Variants in NDST3 observed in about 807,000 individuals in gnomAD.
The protein encoded by NDST3 is bifunctional heparan sulfate N-deacetylase/N-sulfotransferase 3.
In NDST3, 58 loss-of-function variants were observed where a neutral mutation model predicts 96.1. The observed-to-expected ratio is 0.60, with a 90% CI of 0.49 to 0.75. The LOEUF is 0.75. Ranked by LOEUF, NDST3 falls within the 30% of genes least tolerant of loss-of-function variation. The pLI is 0.00. For missense variants in NDST3, 788 were observed against 1,034.2 expected, an observed-to-expected ratio of 0.76 and a Z score of 3.27; for synonymous variants, 333 against 359.7, an observed-to-expected ratio of 0.93 and a Z score of 0.84.
intron 8 of NDST3, 56 bp from the exon 9 acceptor site, chr4:118,232,956 T>C: frequency 3.3e-6 from 5 of 1,521,488 alleles, no homozygotes; most frequent in Non-Finnish European, 3.6e-6. Flanking sequence ...AAAGTGTTGA[T>C]CATAGGAAAT....
chr4:118,255,632 G>A lies in NDST3; in HGVS notation c.2542G>A (p.Val848Met), dbSNP rs1441859358. The change falls in exon 14 of 14, where the codon GTG (valine) becomes ATG (methionine). Residue 848 changes from valine (V) to methionine (M), a missense_variant. This residue lies in a region of NDST3 where 64 missense variants were observed against 68.5 expected (regional missense o/e 0.93). Coordinates refer to ENST00000296499, the MANE Select transcript of NDST3 (RefSeq NM_004784.3). ...FLSSYYRDHN[V>M]ELSKLLHKLG... ...GTCAAGCTACTATCGAGATCACAAC[G>A]TGGAACTCTCAAAGCTGCTGCACAA... is the stretch of plus-strand genomic sequence containing the variant. The A allele has an allele frequency of 3.1e-6, 5 of 1,613,666 alleles. No homozygotes were observed. The highest frequency in any genetic ancestry group is 2.2e-5 in the East Asian group (1 of 44,882).
intron 2 of NDST3, among the ~76,000 whole-genome samples, chr4:118,085,512 T>A (rs1728351198): frequency 6.6e-6 from 1 of 152,154 alleles, no homozygotes; most frequent in African/African-American, 2.4e-5. Context: ...GGCAAGCCAA[T>A]CAATGAACAC....
rs139697159 is a variant in NDST3 at position 118,245,359 on chromosome 4, TA to T, written c.2399+3212del. Among the ~76,000 whole-genome samples the T allele has an allele frequency of 5.3e-3, 811 of 152,318 alleles. 13 individuals are homozygous for T. Among genetic ancestry groups the T allele is most frequent in the African/African-American group, 0.019 (782 of 41,560 alleles). ...ACTATGTTATATGAATTTTTAGTAT[TA>T]ATTTACTTTGAAAATGTCAATAAAT... On this transcript the variant is annotated intron_variant, in intron 12 of 13. Coordinates refer to ENST00000296499, the MANE Select transcript of NDST3 (RefSeq NM_004784.3).
chr4:118,073,385 T>C (rs943369490), intron 2 of NDST3, among the ~76,000 whole-genome samples: 2 of 152,240 alleles, frequency 1.3e-5, no homozygotes, highest in Non-Finnish European at 2.9e-5. Flanking sequence ...TTTTTATTAC[T>C]GATTCAATTT....
chr4:118,095,164 G>C (rs918574247), intron 2 of NDST3, among the ~76,000 whole-genome samples: 1 of 151,904 alleles, frequency 6.6e-6, no homozygotes, highest in Non-Finnish European at 1.5e-5. Flanking sequence ...GAGTAAGGAA[G>C]TAAACCACAT....
intron 6 of NDST3, among the ~76,000 whole-genome samples, chr4:118,223,413 A>G (rs2125993878): frequency 6.6e-6 from 1 of 152,216 alleles, no homozygotes; most frequent in East Asian, 1.9e-4. Context: ...TGGTACAGAC[A>G]GCTATTTTAA....
At chr4:118,248,575 C>T (rs1307324897) in intron 12 of NDST3, among the ~76,000 whole-genome samples, 1 of 152,154 alleles carries the variant, frequency 6.6e-6, no homozygotes, top group Non-Finnish European at 1.5e-5. Flanking sequence ...CAAAGTATCC[C>T]CACCTCCAGG....
intron 12 of NDST3, among the ~76,000 whole-genome samples, chr4:118,242,629 T>C (rs586224): frequency 0.78 from 119,362 of 152,114 alleles, 49,527 homozygotes; most frequent in South Asian, 0.92. Flanking sequence ...TTATCGCTCC[T>C]AAACAAACGT....
chr4:118,213,180 T>G (rs1443933406), intron 6 of NDST3, among the ~76,000 whole-genome samples: 1 of 152,188 alleles, frequency 6.6e-6, no homozygotes, highest in Non-Finnish European at 1.5e-5. Context: ...TGATTTGACA[T>G]GAAGAGGACA....
At chr4:118,196,940 T>A (rs927739463) in intron 6 of NDST3, among the ~76,000 whole-genome samples, 3 of 151,230 alleles carry the variant, frequency 2.0e-5, no homozygotes, top group African/African-American at 7.3e-5. Context: ...GTTGTTTATT[T>A]GAAGTTTTTT....
intron 6 of NDST3, among the ~76,000 whole-genome samples, chr4:118,213,176 G>C (rs1187809240): frequency 6.6e-6 from 1 of 152,128 alleles, no homozygotes; most frequent in Non-Finnish European, 1.5e-5. Context: ...GCAGTGATTT[G>C]ACATGAAGAG....
intron 12 of NDST3, among the ~76,000 whole-genome samples, chr4:118,253,282 C>G (rs987704172): frequency 6.6e-6 from 1 of 152,106 alleles, no homozygotes; most frequent in Non-Finnish European, 1.5e-5. Flanking sequence ...GGCAAACTCA[C>G]AAATATGACA....
chr4:118,239,438 A>C (rs978524898), intron 10 of NDST3, among the ~76,000 whole-genome samples: 26 of 152,138 alleles, frequency 1.7e-4, no homozygotes, highest in African/African-American at 5.6e-4. Flanking sequence ...ATTCTATACT[A>C]ATCATTCACG....
rs142587572 is a variant in NDST3 at position 118,170,467 on chromosome 4, G to C, written c.1539+26783G>C. ...CTCACGCCTGTAATCCCAGCACTTT[G>C]GGAGGCAGACCCAGCACTTTGGGAG... On this transcript the variant is annotated intron_variant, in intron 6 of 13. Transcript: ENST00000296499. 3.4e-3 allele frequency among the ~76,000 whole-genome samples: 523 copies of C among 152,298 alleles called. 2 individuals are homozygous for C. Among genetic ancestry groups the C allele is most frequent in the African/African-American group, 0.011 (474 of 41,570 alleles).
intron 8 of NDST3, among the ~76,000 whole-genome samples, chr4:118,230,876 A>G (rs1479586660): frequency 1.3e-5 from 2 of 152,210 alleles, no homozygotes; most frequent in African/African-American, 4.8e-5. Context: ...TGCTGTTGAC[A>G]GAGTTATTTT....
At chr4:118,078,517 C>T (rs1275242666) in intron 2 of NDST3, among the ~76,000 whole-genome samples, 7 of 152,138 alleles carry the variant, frequency 4.6e-5, no homozygotes, top group Middle Eastern at 3.4e-3. Flanking sequence ...TTTGGAAGGC[C>T]GAGGTGGGTG....
At chr4:118,226,223 G>A (rs1459933011) in intron 7 of NDST3, among the ~76,000 whole-genome samples, 2 of 152,098 alleles carry the variant, frequency 1.3e-5, no homozygotes, top group Non-Finnish European at 2.9e-5. Context: ...AATGAAGGGT[G>A]TTCTAAATAG....
At chr4:118,198,058 A>G (rs1916686) in intron 6 of NDST3, among the ~76,000 whole-genome samples, 78,459 of 151,844 alleles carry the variant, frequency 0.52, 24,140 homozygotes, top group East Asian at 0.74. Flanking sequence ...TCAGCCTCCC[A>G]AAGTGCTGGG....
intron 4 of NDST3, among the ~76,000 whole-genome samples, chr4:118,129,645 A>G (rs1732434484): frequency 6.6e-6 from 1 of 152,086 alleles, no homozygotes; most frequent in Admixed American, 6.5e-5. Flanking sequence ...TGCTGAGAAA[A>G]AGAATGTGTA....
Sources: allele counts gnomAD v4.1 joint callset (sites outside exome capture counted in the v4.1 genomes callset), GRCh38; gene constraint gnomAD v4.1.1; regional missense constraint gnomAD v4.1.1; transcripts MANE v1.5; gene names NCBI Gene and HGNC (gene_info 2026-07-23, HGNC 2026-07-21).